The following L3MBTL3 variants were observed in gnomAD, a reference collection of about 807,000 sequenced individuals.
L3MBTL3 encodes L3MBTL histone methyl-lysine binding protein 3.
In L3MBTL3, 27 loss-of-function variants were observed where a neutral mutation model predicts 102.3. The ratio of observed to expected loss-of-function variants is 0.26; its 90% CI spans 0.19 to 0.36. The LOEUF (loss-of-function observed/expected upper bound fraction) is 0.36, where lower values mean the gene tolerates loss of function less well. Ranked by LOEUF, L3MBTL3 falls within the 10% of genes least tolerant of loss-of-function variation. The pLI is 1.00. For missense variants in L3MBTL3, 798 were observed against 955.3 expected (o/e 0.84, Z 2.17); for synonymous variants, 340 against 320.9 (o/e 1.06, Z -0.64).
At chr6:130,123,397 A>G (rs1342893324) in intron 20 of L3MBTL3, among the ~76,000 whole-genome samples, 2 of 152,054 alleles carry the variant, frequency 1.3e-5, no homozygotes, top group Admixed American at 6.5e-5. Flanking sequence ...CTGTAGTTCA[A>G]TGTGCATGTT....
Position 130,140,841 on chromosome 6 carries a change from A to G in L3MBTL3, c.*1088A>G, listed in dbSNP as rs1788205131. Reference sequence around the variant, plus strand: ...AGACAAGGTGTGAAGGAGCAACTTCAGTTGACACAAAATTTGAAATGCTCA... The same window carrying G: ...AGACAAGGTGTGAAGGAGCAACTTCGGTTGACACAAAATTTGAAATGCTCA... On this transcript the variant is annotated 3_prime_UTR_variant, in exon 23 of 23. Coordinates refer to ENST00000361794, the MANE Select transcript of L3MBTL3 (RefSeq NM_032438.4). 1 of 152,568 alleles carries G rather than the reference A, an allele frequency of 6.6e-6. No individual in the cohort carries two copies. The allele number at this position is 152,568 out of a possible 1,614,324, so 9.5% of individuals were successfully genotyped here.
chr6:130,131,080 T>C (rs988351792), intron 20 of L3MBTL3, among the ~76,000 whole-genome samples: 1 of 152,132 alleles, frequency 6.6e-6, no homozygotes, highest in Non-Finnish European at 1.5e-5. Context: ...TAATGAGAGA[T>C]ATTAAAGAAG....
At chr6:130,039,499 T>C (rs1780281362) in intron 2 of L3MBTL3, among the ~76,000 whole-genome samples, 2 of 152,112 alleles carry the variant, frequency 1.3e-5, no homozygotes, top group East Asian at 1.9e-4. Flanking sequence ...CTTGCTCATC[T>C]TTTTTTGTAG....
chr6:130,096,521 GAC>G (rs1380405132), intron 18 of L3MBTL3, among the ~76,000 whole-genome samples: 1 of 152,154 alleles, frequency 6.6e-6, no homozygotes, highest in East Asian at 1.9e-4. Flanking sequence ...CTGGAAGGAA[GAC>G]ACACCTTATG....
chr6:130,100,362 C>T lies in L3MBTL3; in HGVS notation c.1737-4064C>T, dbSNP rs543604260. Among the ~76,000 whole-genome samples the T allele has an allele frequency of 1.1e-3, 166 of 152,246 alleles. 1 individual carries two copies. The highest frequency in any genetic ancestry group is 3.9e-3 in the African/African-American group (161 of 41,538). On this transcript the variant is annotated intron_variant, in intron 18 of 22. Transcript: ENST00000361794. The stretch of plus-strand genomic sequence containing the variant: ...CTCCATGCATGTCCAGTCACCTGAG[C>T]TCCTTTTGCATTTTGTGGCGTTCCA...
intron 13 of L3MBTL3, 137 bp downstream of exon 13, chr6:130,071,264 T>G: frequency 1.4e-6 from 1 of 731,694 alleles, no homozygotes; most frequent in South Asian, 2.1e-5. Context: ...AGATTTTTAA[T>G]TTTTTACCTG....
intron 7 of L3MBTL3, among the ~76,000 whole-genome samples, chr6:130,054,782 C>T (rs568682339): frequency 2.8e-4 from 42 of 152,238 alleles, no homozygotes; most frequent in African/African-American, 9.1e-4. Context: ...GTAAGATGAC[C>T]TTGAAAACCC....
chr6:130,022,090 T>G (rs1169556914), intron 1 of L3MBTL3, 137 bp from the exon 2 acceptor site: 1 of 152,238 alleles, frequency 6.6e-6, no homozygotes, highest in African/African-American at 2.4e-5. Flanking sequence ...TTATTTTAAT[T>G]TACCGAGTGG....
chr6:130,036,193 A>G (rs1187016137), intron 2 of L3MBTL3, among the ~76,000 whole-genome samples: 4 of 152,190 alleles, frequency 2.6e-5, no homozygotes, highest in African/African-American at 7.2e-5. Flanking sequence ...GGTGACAACA[A>G]GGGAGGAAGA....
intron 20 of L3MBTL3, among the ~76,000 whole-genome samples, chr6:130,130,431 G>A (rs1413776888): frequency 6.6e-6 from 1 of 152,156 alleles, no homozygotes; most frequent in Admixed American, 6.5e-5. Context: ...TGGTATTACT[G>A]TAGTGTAGAA....
At chr6:130,053,881 A>G (rs377112872) in intron 7 of L3MBTL3, among the ~76,000 whole-genome samples, 1 of 152,220 alleles carries the variant, frequency 6.6e-6, no homozygotes, top group Non-Finnish European at 1.5e-5. Flanking sequence ...AGGGATGCAT[A>G]AGACAAATAG....
chr6:130,112,324 A>T (rs1283740347), intron 19 of L3MBTL3, among the ~76,000 whole-genome samples: 1 of 152,198 alleles, frequency 6.6e-6, no homozygotes, highest in Non-Finnish European at 1.5e-5. Context: ...TCTGTCTTCC[A>T]TGGACAGCTA....
intron 2 of L3MBTL3, among the ~76,000 whole-genome samples, chr6:130,032,278 A>C (rs1475998357): frequency 1.3e-5 from 2 of 152,164 alleles, no homozygotes; most frequent in African/African-American, 4.8e-5. Flanking sequence ...TATTCAAATA[A>C]AATGAATTTT....
chr6:130,055,885 C>CCTTCT (rs1781473243), intron 8 of L3MBTL3, among the ~76,000 whole-genome samples: 1 of 150,512 alleles, frequency 6.6e-6, no homozygotes, highest in Non-Finnish European at 1.5e-5. Flanking sequence ...TCTTCTCTTC[C>CCTTCT]CTTCCCTTCC....
intron 19 of L3MBTL3, among the ~76,000 whole-genome samples, chr6:130,105,621 C>CA (rs35147208): frequency 0.071 from 8,667 of 122,472 alleles, 1,049 homozygotes; most frequent in African/African-American, 0.24. Context: ...GACCCTGTCT[C>CA]AAAAAAAAAA....
At chr6:130,110,284 T>C (rs1049026627) in intron 19 of L3MBTL3, among the ~76,000 whole-genome samples, 1 of 152,232 alleles carries the variant, frequency 6.6e-6, no homozygotes, top group Non-Finnish European at 1.5e-5. Context: ...ATAAATTACT[T>C]TGGGCAGTAT....
chr6:130,096,362 C>A (rs1222176420), intron 18 of L3MBTL3, among the ~76,000 whole-genome samples: 3 of 152,206 alleles, frequency 2.0e-5, no homozygotes, highest in East Asian at 3.8e-4. Flanking sequence ...TGGCACACAT[C>A]CCTTTCTGCT....
chr6:130,029,650 A>G (rs1779587532), intron 2 of L3MBTL3, among the ~76,000 whole-genome samples: 1 of 152,070 alleles, frequency 6.6e-6, no homozygotes, highest in South Asian at 2.1e-4. Flanking sequence ...CCTGCTGCCC[A>G]CCTTTCCTGT....
chr6:130,084,652 G>A (rs1241620463), intron 15 of L3MBTL3, among the ~76,000 whole-genome samples: 3 of 152,112 alleles, frequency 2.0e-5, no homozygotes, highest in Admixed American at 6.5e-5. Context: ...TTAAATTCTT[G>A]TCTGATGCGA....
Sources: allele counts gnomAD v4.1 joint callset (sites outside exome capture counted in the v4.1 genomes callset), GRCh38; gene constraint gnomAD v4.1.1; transcripts MANE v1.5; gene names NCBI Gene and HGNC (gene_info 2026-07-23, HGNC 2026-07-21).